Variants in FCRL2 observed in about 807,000 individuals in gnomAD.
FCRL2 encodes Fc receptor-like protein 2.
In FCRL2, 48 loss-of-function variants were observed where a neutral mutation model predicts 59.8. The ratio of observed to expected loss-of-function variants is 0.80; its 90% CI spans 0.64 to 1.02. The LOEUF (loss-of-function observed/expected upper bound fraction) is 1.02. FCRL2 is among the 50% of genes least tolerant of loss of function. The pLI is 0.00. For missense variants in FCRL2, 658 were observed against 597.3 expected, an observed-to-expected ratio of 1.10 and a Z score of -1.06; for synonymous variants, 251 against 229.5, an observed-to-expected ratio of 1.09 and a Z score of -0.85.
intron 7 of FCRL2, among the ~76,000 whole-genome samples, chr1:157,751,953 G>A (rs1648223184): frequency 6.6e-6 from 1 of 152,110 alleles, no homozygotes; most frequent in Non-Finnish European, 1.5e-5. Flanking sequence ...CAGCCATGGG[G>A]GTTTCAAAAA....
intron 7 of FCRL2, among the ~76,000 whole-genome samples, chr1:157,765,518 A>G (rs1169727327): frequency 6.6e-6 from 1 of 152,228 alleles, no homozygotes. Flanking sequence ...AATATCCCTG[A>G]TGAACACAGA....
Position 157,749,647 on chromosome 1 carries a change from C to T in FCRL2, c.1307+3G>A, listed in dbSNP as rs754991734. The T allele has an allele frequency of 8.7e-6, 14 of 1,607,136 alleles. No homozygotes were observed. The South Asian group carries it at 1.5e-4, about 18-fold the overall frequency. ...TAAAATTTTTACTAGGAAGAGTTCT[C>T]ACCTGGGTTCATTAGTGGCAGAACT... On this transcript the variant is annotated splice_donor_region_variant and intron_variant, in intron 8 of 11. Coordinates refer to ENST00000361516, the MANE Select transcript of FCRL2 (RefSeq NM_030764.4).
intron 5 of FCRL2, 171 bp from the exon 6 acceptor site, chr1:157,767,680 C>G: frequency 6.3e-7 from 1 of 1,577,326 alleles, no homozygotes; most frequent in Non-Finnish European, 8.6e-7. Context: ...TATATTTAGA[C>G]GTTTGAGGGG....
intron 7 of FCRL2, among the ~76,000 whole-genome samples, chr1:157,760,716 AAAGAAAG>A: frequency 6.7e-6 from 1 of 148,272 alleles, no homozygotes; most frequent in African/African-American, 2.5e-5. Context: ...AGAAAGAAAG[AAAGAAAG>A]AAAGAAAGAA....
chr1:157,758,696 A>C (rs998706295), intron 7 of FCRL2, among the ~76,000 whole-genome samples: 23 of 151,492 alleles, frequency 1.5e-4, no homozygotes, highest in South Asian at 8.3e-4. Context: ...AAAAAAAAAA[A>C]AAAAAACAAA....
intron 3 of FCRL2, 117 bp downstream of exon 3, chr1:157,770,292 A>C: frequency 6.9e-7 from 1 of 1,451,578 alleles, no homozygotes; most frequent in Non-Finnish European, 9.4e-7. Context: ...TGATGATCAA[A>C]CCACAAGCAC....
intron 7 of FCRL2, among the ~76,000 whole-genome samples, chr1:157,762,445 T>G (rs1197275384): frequency 6.6e-6 from 1 of 152,224 alleles, no homozygotes; most frequent in African/African-American, 2.4e-5. Context: ...TTGGCACATT[T>G]TTGAATACTT....
chr1:157,762,970 A>G (rs985731454), intron 7 of FCRL2, among the ~76,000 whole-genome samples: 1 of 152,238 alleles, frequency 6.6e-6, no homozygotes, highest in African/African-American at 2.4e-5. Context: ...CGAAAGGACA[A>G]TACTTACCAT....
At chr1:157,762,576 C>T (rs185653605) in intron 7 of FCRL2, among the ~76,000 whole-genome samples, 1 of 152,272 alleles carries the variant, frequency 6.6e-6, no homozygotes, top group Non-Finnish European at 1.5e-5. Flanking sequence ...ATTTGGACAT[C>T]CAGATACAAA....
intron 4 of FCRL2, 88 bp from the exon 5 acceptor site, chr1:157,768,789 G>A (rs1025533942): frequency 5.5e-6 from 7 of 1,283,398 alleles, no homozygotes; most frequent in Admixed American, 2.3e-5. Flanking sequence ...TGCAAAATGT[G>A]GGAATGTGGA....
At position 157,746,732 on chromosome 1, in the gene FCRL2, A is replaced by T. The variant is rs749258455; in HGVS notation, c.*4T>A. On this transcript the variant is annotated 3_prime_UTR_variant, in exon 12 of 12. Coordinates refer to ENST00000361516, the MANE Select transcript of FCRL2 (RefSeq NM_030764.4). ...TTGATCTTCCCTTCTGATTCCTCCA[A>T]GTGTTATGATTTCTTCACAGAAGAG... 3 of 1,613,464 alleles carry T rather than the reference A, an allele frequency of 1.9e-6. No individual in the cohort carries two copies. Among genetic ancestry groups the T allele is most frequent in the Non-Finnish European group, 2.5e-6 (3 of 1,179,464 alleles).
intron 7 of FCRL2, among the ~76,000 whole-genome samples, chr1:157,751,624 A>G (rs1571252770): frequency 6.6e-6 from 1 of 152,326 alleles, no homozygotes; most frequent in East Asian, 1.9e-4. Context: ...TTGTGGATGG[A>G]TCTGAGCCCT....
intron 7 of FCRL2, among the ~76,000 whole-genome samples, chr1:157,753,936 C>A (rs1367737782): frequency 6.6e-6 from 1 of 151,926 alleles, no homozygotes; most frequent in Non-Finnish European, 1.5e-5. Context: ...TCTTATATCA[C>A]AATACCATAG....
intron 7 of FCRL2, among the ~76,000 whole-genome samples, chr1:157,766,122 A>G (rs2101729500): frequency 6.6e-6 from 1 of 152,288 alleles, no homozygotes; most frequent in Non-Finnish European, 1.5e-5. Context: ...TCTTTTTATA[A>G]AAAAGGTGGC....
At chr1:157,764,711 C>G (rs779982107) in intron 7 of FCRL2, among the ~76,000 whole-genome samples, 32 of 152,134 alleles carry the variant, frequency 2.1e-4, no homozygotes, top group South Asian at 6.2e-4. Context: ...AAACAACATG[C>G]TGCTAAACAA....
chr1:157,750,972 A>G (rs1411020509), intron 7 of FCRL2, among the ~76,000 whole-genome samples: 1 of 152,220 alleles, frequency 6.6e-6, no homozygotes, highest in Admixed American at 6.5e-5. Flanking sequence ...TCATAATGGA[A>G]CTGGTAATTC....
chr1:157,776,256 A>G (rs1289909139), intron 1 of FCRL2, among the ~76,000 whole-genome samples: 1 of 152,072 alleles, frequency 6.6e-6, no homozygotes, highest in East Asian at 1.9e-4. Flanking sequence ...CCAATAACAA[A>G]TATTTATTTA....
In FCRL2 at chr1:157,767,421, C is replaced by A; in HGVS notation, c.972G>T (p.Leu324=). 1 of 1,614,220 alleles carries A rather than the reference C, an allele frequency of 6.2e-7. No individual in the cohort carries two copies. Among genetic ancestry groups the A allele is most frequent in the South Asian group, 1.1e-5 (1 of 91,084 alleles). ...GDLLELHCEA[L]RGSPPILYQF... ...GGTACAAGATTGGGGGAGAGCCTCT[C>A]AGGGCCTCACAGTGAAGCTCCAGCA... Residue 324 remains leucine, a synonymous_variant, in exon 6 of 12, where the codon CTG becomes CTT. Coordinates refer to ENST00000361516, the MANE Select transcript of FCRL2 (RefSeq NM_030764.4).
chr1:157,776,156 C>T (rs991816855), intron 1 of FCRL2, among the ~76,000 whole-genome samples: 2 of 152,152 alleles, frequency 1.3e-5, no homozygotes, highest in African/African-American at 2.4e-5. Flanking sequence ...ACAAAGGGCT[C>T]ATCAGGAAAC....
Sources: gnomAD v4.1 joint callset for allele counts (sites outside exome capture counted in the v4.1 genomes callset) on GRCh38, gnomAD v4.1.1 for gene constraint, MANE v1.5 for transcripts, NCBI Gene and HGNC (gene_info 2026-07-23, HGNC 2026-07-21) for gene names.